Variants in PKIA observed in about 807,000 individuals in gnomAD.
PKIA encodes PKI-alpha.
PKIA carries 4 observed loss-of-function variants against 7.6 expected under a neutral mutation model. The ratio of observed to expected loss-of-function variants is 0.52; its 90% CI spans 0.26 to 1.20. The LOEUF is 1.20. Among genes scored for constraint, PKIA ranks in the 50% most tolerant of loss-of-function variants. PKIA has a pLI of 0.13. For synonymous variants in PKIA, 21 were observed against 30.7 expected, an observed-to-expected ratio of 0.68 and a Z score of 1.04; for missense variants, 73 against 86.2, an observed-to-expected ratio of 0.85 and a Z score of 0.61.
At chr8:78,524,760 C>T (rs895327355) in intron 1 of PKIA, among the ~76,000 whole-genome samples, 2 of 151,790 alleles carry the variant, frequency 1.3e-5, no homozygotes, top group East Asian at 1.9e-4. Flanking sequence ...TTCTGGGGAG[C>T]TTATCAGCAT....
chr8:78,543,783 TTTCA>T (rs1392019405), intron 1 of PKIA, among the ~76,000 whole-genome samples: 2 of 152,212 alleles, frequency 1.3e-5, no homozygotes, highest in Non-Finnish European at 2.9e-5. Context: ...TGGTGTTTTC[TTTCA>T]TTGTTACTTT....
intron 1 of PKIA, among the ~76,000 whole-genome samples, chr8:78,536,797 C>G (rs546894056): frequency 7.3e-5 from 11 of 151,440 alleles, no homozygotes; most frequent in African/African-American, 2.4e-4. Context: ...GATTACAACT[C>G]TACTGTAGAA....
chr8:78,534,114 GTAATAT>G (rs1806458174), intron 1 of PKIA: 1 of 152,074 alleles, frequency 6.6e-6, no homozygotes, highest in Non-Finnish European at 1.5e-5. Flanking sequence ...ATGACTTGTA[GTAATAT>G]TAATATTTCA....
intron 1 of PKIA, among the ~76,000 whole-genome samples, chr8:78,539,365 T>TAA (rs1806616043): frequency 6.6e-6 from 1 of 152,106 alleles, no homozygotes; most frequent in African/African-American, 2.4e-5. Context: ...CTCAGGGGTA[T>TAA]AAGCAAGTGG....
chr8:78,528,534 A>G (rs1193558285), intron 1 of PKIA, among the ~76,000 whole-genome samples: 1 of 151,918 alleles, frequency 6.6e-6, no homozygotes, highest in Non-Finnish European at 1.5e-5. Flanking sequence ...TTAAATACAT[A>G]TAATCTGGGA....
intron 2 of PKIA, among the ~76,000 whole-genome samples, chr8:78,590,695 A>C (rs939706427): frequency 7.9e-5 from 12 of 151,758 alleles, no homozygotes; most frequent in African/African-American, 2.4e-4. Context: ...TAAAATATTT[A>C]TATAAAGTGT....
chr8:78,528,467 T>C (rs930883611), intron 1 of PKIA, among the ~76,000 whole-genome samples: 6 of 152,034 alleles, frequency 3.9e-5, no homozygotes, highest in African/African-American at 1.4e-4. Context: ...TTAGAAGATA[T>C]AAGCACAATA....
rs376255679 is a variant in PKIA, at chr8:78,532,280, A to G, written c.-157+15812A>G. 5.9e-5 allele frequency among the ~76,000 whole-genome samples: 9 copies of G among 152,194 alleles called. No individual in the cohort carries two copies. In the East Asian group the frequency reaches 1.5e-3, roughly 26 times the overall value. On this transcript the variant is annotated intron_variant, in intron 1 of 3. Coordinates refer to ENST00000396418, the MANE Select transcript of PKIA (RefSeq NM_006823.4). ...AAAATTTTACCTTTTATAAAAGTCC[A>G]TAAATTTTAGTAAGGTTGTAAATTA...
At chr8:78,533,227 C>T (rs1806437727) in intron 1 of PKIA, among the ~76,000 whole-genome samples, 1 of 152,102 alleles carries the variant, frequency 6.6e-6, no homozygotes, top group South Asian at 2.1e-4. Context: ...CTAAATATGC[C>T]CTTGCCATAA....
At chr8:78,579,916 T>C (rs1357955584) in intron 2 of PKIA, among the ~76,000 whole-genome samples, 1 of 151,974 alleles carries the variant, frequency 6.6e-6, no homozygotes, top group Non-Finnish European at 1.5e-5. Flanking sequence ...CTTTGAGAAA[T>C]ACCAAGCTGG....
chr8:78,590,362 C>CT (rs1808065500), intron 2 of PKIA, among the ~76,000 whole-genome samples: 1 of 151,500 alleles, frequency 6.6e-6, no homozygotes, highest in Non-Finnish European at 1.5e-5. Context: ...TGGGAACTTT[C>CT]TAAAGGCAGA....
intron 1 of PKIA, among the ~76,000 whole-genome samples, chr8:78,568,430 G>A (rs932967865): frequency 7.2e-5 from 11 of 152,166 alleles, no homozygotes; most frequent in Admixed American, 6.6e-4. Context: ...ATAGCCAGCA[G>A]CACTTTTTAA....
chr8:78,591,625 A>T (rs1327540362), intron 2 of PKIA, among the ~76,000 whole-genome samples: 1 of 152,158 alleles, frequency 6.6e-6, no homozygotes, highest in Non-Finnish European at 1.5e-5. Context: ...ACAACTTTAA[A>T]TAGTTCAGTA....
intron 1 of PKIA, among the ~76,000 whole-genome samples, chr8:78,560,207 C>A (rs1477964386): frequency 1.3e-5 from 2 of 152,146 alleles, no homozygotes; most frequent in African/African-American, 4.8e-5. Context: ...ACAGTGCTTC[C>A]TTCTGGCAGT....
chr8:78,553,251 T>C (rs1807033150), intron 1 of PKIA, among the ~76,000 whole-genome samples: 1 of 152,052 alleles, frequency 6.6e-6, no homozygotes, highest in Admixed American at 6.6e-5. Context: ...CTTGATATAA[T>C]GCATAAACAC....
intron 1 of PKIA, among the ~76,000 whole-genome samples, chr8:78,550,301 A>C (rs998814770): frequency 1.3e-5 from 2 of 152,166 alleles, no homozygotes; most frequent in Admixed American, 6.6e-5. Flanking sequence ...GGAAATAGGA[A>C]CATTATTATC....
intron 1 of PKIA, among the ~76,000 whole-genome samples, chr8:78,522,439 C>G (rs1211647104): frequency 6.6e-6 from 1 of 151,782 alleles, no homozygotes; most frequent in Non-Finnish European, 1.5e-5. Context: ...ACTCTAGATA[C>G]TGTAGTTTAT....
intron 1 of PKIA, among the ~76,000 whole-genome samples, chr8:78,561,063 C>G (rs1030503464): frequency 8.5e-5 from 13 of 152,094 alleles, no homozygotes; most frequent in African/African-American, 2.9e-4. Flanking sequence ...TATATCAGTA[C>G]AAATCTCACT....
intron 3 of PKIA, among the ~76,000 whole-genome samples, chr8:78,599,019 T>C (rs1359458685): frequency 6.6e-6 from 1 of 152,096 alleles, no homozygotes; most frequent in African/African-American, 2.4e-5. Flanking sequence ...TAAAATGATC[T>C]GTTACATTAG....
Sources: allele counts gnomAD v4.1 joint callset (sites outside exome capture counted in the v4.1 genomes callset), GRCh38; gene constraint gnomAD v4.1.1; transcripts MANE v1.5; gene names NCBI Gene and HGNC (gene_info 2026-07-23, HGNC 2026-07-21).